Variants in ALK observed in about 807,000 individuals in gnomAD.
The protein encoded by ALK is ALK receptor tyrosine kinase.
ALK carries 74 observed loss-of-function variants against 163.1 expected under a neutral mutation model. That is an observed-to-expected ratio of 0.45 (90% confidence interval 0.38 to 0.55). ALK has a LOEUF of 0.55. Among genes scored for constraint, ALK ranks in the 20% least tolerant of loss-of-function variants. The pLI is 0.00. For missense variants in ALK, 2,063 were observed against 2,105.3 expected (o/e 0.98, Z 0.39); for synonymous variants, 960 against 843.2 (o/e 1.14, Z -2.40).
At chr2:29,388,209 G>T (rs1669079912) in intron 4 of ALK, among the ~76,000 whole-genome samples, 1 of 152,186 alleles carries the variant, frequency 6.6e-6, no homozygotes. Flanking sequence ...AGTTTGAAAG[G>T]TTGGCAGCTG....
chr2:29,760,189 A>ACCTACACACC (rs560119298), intron 1 of ALK, among the ~76,000 whole-genome samples: 33 of 151,810 alleles, frequency 2.2e-4, no homozygotes, highest in African/African-American at 8.0e-4. Flanking sequence ...ATCCCTACAC[A>ACCTACACACC]CCTACACACC....
At chr2:29,596,699 C>G (rs1244840143) in intron 3 of ALK, among the ~76,000 whole-genome samples, 2 of 152,130 alleles carry the variant, frequency 1.3e-5, no homozygotes, top group Non-Finnish European at 2.9e-5. Context: ...GGACTGGAAG[C>G]AAAATAGCCT....
chr2:29,320,620 C>A, intron 7 of ALK, 131 bp downstream of exon 7: 1 of 1,288,692 alleles, frequency 7.8e-7, no homozygotes, highest in East Asian at 2.3e-5. Context: ...TGTGTGTGAA[C>A]GCTCTAGGCA....
At chr2:29,580,382 TC>T (rs990829789) in intron 3 of ALK, among the ~76,000 whole-genome samples, 12 of 152,032 alleles carry the variant, frequency 7.9e-5, no homozygotes, top group African/African-American at 2.9e-4. Context: ...CCTCTCCCGC[TC>T]CCCCTTTCTC....
intron 4 of ALK, among the ~76,000 whole-genome samples, chr2:29,457,686 A>G (rs909111768): frequency 2.0e-5 from 3 of 152,166 alleles, no homozygotes; most frequent in Admixed American, 6.5e-5. Flanking sequence ...ACATCTACAT[A>G]TAGAGATAAA....
At chr2:29,510,780 G>C (rs1449092158) in intron 4 of ALK, among the ~76,000 whole-genome samples, 1 of 152,142 alleles carries the variant, frequency 6.6e-6, no homozygotes, top group Non-Finnish European at 1.5e-5. Context: ...TTGTGGTCTA[G>C]ACAGTTTTAC....
intron 1 of ALK, among the ~76,000 whole-genome samples, chr2:29,880,968 C>T (rs1666849740): frequency 6.6e-6 from 1 of 152,142 alleles, no homozygotes; most frequent in African/African-American, 2.4e-5. Flanking sequence ...GATCTGGCCC[C>T]GGACAGAGAA....
intron 1 of ALK, among the ~76,000 whole-genome samples, chr2:29,723,989 A>T (rs942517877): frequency 6.6e-6 from 1 of 152,208 alleles, no homozygotes; most frequent in Non-Finnish European, 1.5e-5. Flanking sequence ...GGCACTGTGT[A>T]TTTCCAATCT....
chr2:29,713,289 A>G (rs1679160269), intron 2 of ALK, among the ~76,000 whole-genome samples: 1 of 152,190 alleles, frequency 6.6e-6, no homozygotes, highest in Non-Finnish European at 1.5e-5. Flanking sequence ...TCTATTTCCA[A>G]ATAAGGTCAC....
intron 1 of ALK, among the ~76,000 whole-genome samples, chr2:29,753,193 A>G: frequency 6.6e-6 from 1 of 152,250 alleles, no homozygotes; most frequent in East Asian, 1.9e-4. Flanking sequence ...GCATTAAAAT[A>G]AAATCTTTGG....
Position 29,818,568 on chromosome 2 carries a change from C to T in ALK, c.668-100871G>A, listed in dbSNP as rs536405804. On this transcript the variant is annotated intron_variant, in intron 1 of 28. Coordinates refer to ENST00000389048, the MANE Select transcript of ALK (RefSeq NM_004304.5). ...GCCTCAATCTGCAGCGCCTGCTGTT[C>T]GCCCCCAAAGCAAGGCAGCCTGTTA... is the stretch of plus-strand genomic sequence containing the variant. Among the ~76,000 whole-genome samples, 9 of 152,376 alleles carry T rather than the reference C, an allele frequency of 5.9e-5. No homozygotes were observed. The East Asian group carries it at 1.7e-3, about 29-fold the overall frequency.
chr2:29,692,857 G>A (rs112658441), intron 3 of ALK, among the ~76,000 whole-genome samples: 3 of 152,190 alleles, frequency 2.0e-5, no homozygotes, highest in Non-Finnish European at 4.4e-5. Flanking sequence ...GTTCAATGAC[G>A]GTAGAAGAGA....
At chr2:29,213,911 G>T in intron 24 of ALK, 73 bp downstream of exon 24, 1 of 1,277,718 alleles carries the variant, frequency 7.8e-7, no homozygotes, top group Non-Finnish European at 1.1e-6. Flanking sequence ...GGAAATGTGA[G>T]CCCTTGAGAT....
chr2:29,750,778 A>G (rs1680343642), intron 1 of ALK, among the ~76,000 whole-genome samples: 1 of 151,522 alleles, frequency 6.6e-6, no homozygotes, highest in Admixed American at 6.6e-5. Flanking sequence ...AAAGAGAATG[A>G]CAGAGGCCGG....
intron 3 of ALK, among the ~76,000 whole-genome samples, chr2:29,549,663 A>C (rs1673664399): frequency 6.6e-6 from 1 of 152,208 alleles, no homozygotes; most frequent in Admixed American, 6.5e-5. Flanking sequence ...CCAAGAATAA[A>C]TTTTATAAAA....
At chr2:29,626,040 G>A (rs1344502906) in intron 3 of ALK, among the ~76,000 whole-genome samples, 3 of 152,202 alleles carry the variant, frequency 2.0e-5, no homozygotes, top group East Asian at 1.9e-4. Flanking sequence ...CCATGCAAAG[G>A]CAAAGAACTG....
chr2:29,521,067 A>G (rs185477138), intron 4 of ALK, among the ~76,000 whole-genome samples: 2 of 152,112 alleles, frequency 1.3e-5, no homozygotes, highest in African/African-American at 4.8e-5. Context: ...TCTCCTTCAC[A>G]CTCCTTTTGG....
chr2:29,321,090 T>C (rs1207110597), intron 6 of ALK, among the ~76,000 whole-genome samples: 1 of 152,236 alleles, frequency 6.6e-6, no homozygotes, highest in Non-Finnish European at 1.5e-5. Context: ...TACAGTTTTC[T>C]TATCTACAGA....
At chr2:29,208,082 C>G (rs1394926673) in intron 25 of ALK, 9 of 453,978 alleles carry the variant, frequency 2.0e-5, no homozygotes, top group Admixed American at 1.6e-4. Context: ...GTCAGTCTCT[C>G]TCTCCCAAGG....
Sources: gnomAD v4.1 joint callset for allele counts (sites outside exome capture counted in the v4.1 genomes callset) on GRCh38, gnomAD v4.1.1 for gene constraint, MANE v1.5 for transcripts, NCBI Gene and HGNC (gene_info 2026-07-23, HGNC 2026-07-21) for gene names.